Variants in PPARGC1A observed in about 807,000 individuals in gnomAD.
The protein encoded by PPARGC1A is PPARG coactivator 1 alpha, also known as peroxisome proliferator-activated receptor gamma coactivator 1-alpha.
In PPARGC1A, 25 loss-of-function variants were observed where a neutral mutation model predicts 88.7. That is an observed-to-expected ratio of 0.28 (90% CI 0.21 to 0.39). PPARGC1A has a LOEUF of 0.39. Ranked by LOEUF, PPARGC1A falls within the 10% of genes least tolerant of loss-of-function variation. The pLI, the probability that PPARGC1A is intolerant of heterozygous loss-of-function variation, is 1.00. For missense variants in PPARGC1A, 880 were observed against 968.7 expected, an observed-to-expected ratio of 0.91 and a Z score of 1.22; for synonymous variants, 363 against 355.6, an observed-to-expected ratio of 1.02 and a Z score of -0.24.
At chr4:23,844,297 T>G (rs897282107) in intron 2 of PPARGC1A, among the ~76,000 whole-genome samples, 65 of 68,552 alleles carry the variant, frequency 9.5e-4, no homozygotes, top group Non-Finnish European at 1.6e-3. Flanking sequence ...AGGCCATGTG[T>G]ACATGACAAC....
At position 23,813,051 on chromosome 4, in the gene PPARGC1A, C is replaced by T. The variant is rs150837593; in HGVS notation, c.1868G>A (p.Arg623His). Residue 623 changes from arginine to histidine, a missense_variant, in exon 9 of 13, where the codon CGT (arginine) becomes CAT (histidine). By Grantham distance (29) the Arg-to-His change is conservative. Transcript: ENST00000264867. ...CCGACGGCTGTAGGGCGATCTTGAA[C>T]GTGATCTCACATACAAGGGAGAATT... Reference protein sequence around the residue: ...HRNSPLYVRSRSRSPYSRRPR... With the variant: ...HRNSPLYVRSHSRSPYSRRPR... The T allele has an allele frequency of 2.9e-5, 46 of 1,614,016 alleles. No individual in the cohort carries two copies. The highest frequency in any genetic ancestry group is 2.4e-4 in the South Asian group (22 of 91,064).
At chr4:24,391,374 TC>T in the PPARGC1A span, among the ~76,000 whole-genome samples, 1 of 152,180 alleles carries the variant, frequency 6.6e-6, no homozygotes, top group Non-Finnish European at 1.5e-5. Flanking sequence ...CTACAAAAAG[TC>T]TACTTAGCAC....
Position 23,814,161 on chromosome 4 carries a change from C to A in PPARGC1A, c.1322G>T (p.Ser441Ile), listed in dbSNP as rs763522794. Residue 441 changes from serine to isoleucine, a missense_variant, in exon 8 of 13, where the codon AGC becomes ATC. Coordinates refer to ENST00000264867, the MANE Select transcript of PPARGC1A (RefSeq NM_013261.5). Reference protein sequence around the residue: ...QCYLRETLEASKQVSPCSTRK... With the variant: ...QCYLRETLEAIKQVSPCSTRK... The stretch of plus-strand genomic sequence containing the variant: ...TGTGCTGCAAGGAGAGACCTGCTTG[C>A]TTGCCTCCAAAGTCTCTCTCAGGTA... 2 of 1,614,082 alleles carry A rather than the reference C, an allele frequency of 1.2e-6. No homozygotes were observed. The highest frequency in any genetic ancestry group is 1.6e-4 in the Middle Eastern group (1 of 6,062).
At chr4:24,261,524 A>G in the PPARGC1A span, among the ~76,000 whole-genome samples, 1 of 151,790 alleles carries the variant, frequency 6.6e-6, no homozygotes, top group Non-Finnish European at 1.5e-5. Flanking sequence ...CTTTATTTCC[A>G]TTTTTCACTT....
intron 2 of PPARGC1A, among the ~76,000 whole-genome samples, chr4:23,849,578 T>C (rs1270994637): frequency 6.6e-6 from 1 of 152,156 alleles, no homozygotes; most frequent in Non-Finnish European, 1.5e-5. Flanking sequence ...GAAAAGTTTA[T>C]TGTGTTTGAA....
the PPARGC1A span, among the ~76,000 whole-genome samples, chr4:24,082,801 A>G: frequency 6.6e-6 from 1 of 152,072 alleles, no homozygotes; most frequent in Non-Finnish European, 1.5e-5. Flanking sequence ...AGGAGGGAAA[A>G]ACCCACTCAA....
At chr4:24,403,364 T>G in the PPARGC1A span, among the ~76,000 whole-genome samples, 1 of 152,090 alleles carries the variant, frequency 6.6e-6, no homozygotes, top group African/African-American at 2.4e-5. Context: ...TGAGAAGAAA[T>G]AGGAGTATTT....
In PPARGC1A at chr4:23,831,612, G is replaced by A. The variant is rs761735360; in HGVS notation, c.374C>T (p.Pro125Leu). ...AGGGGTGCCGTCAGGCATGGAGGAA[G>A]GACTAGCCTCATTGTCAGTGGTCAC... ...GDVTTDNEAS[P>L]SSMPDGTPPP... Residue 125 changes from proline (P) to leucine (L), a missense_variant, in exon 3 of 13, where the codon CCT (proline) becomes CTT (leucine). Physicochemically the swap from Pro to Leu is moderately conservative, Grantham distance 98. Transcript: ENST00000264867. The A allele has an allele frequency of 1.2e-6, 2 of 1,614,178 alleles. No homozygotes were observed. The highest frequency in any genetic ancestry group is 1.7e-6 in the Non-Finnish European group (2 of 1,180,020).
the PPARGC1A span, among the ~76,000 whole-genome samples, chr4:24,225,516 C>T: frequency 4.0e-5 from 6 of 148,636 alleles, no homozygotes; most frequent in African/African-American, 1.0e-4. Context: ...GGTGACAGAG[C>T]GAGACTCCGT....
chr4:24,155,138 C>A, the PPARGC1A span, among the ~76,000 whole-genome samples: 1 of 145,278 alleles, frequency 6.9e-6, no homozygotes, highest in African/African-American at 2.7e-5. Flanking sequence ...TTTTTTTTAT[C>A]TATAGGTAGG....
chr4:24,226,927 T>C, the PPARGC1A span, among the ~76,000 whole-genome samples: 1 of 152,076 alleles, frequency 6.6e-6, no homozygotes, highest in African/African-American at 2.4e-5. Flanking sequence ...CCACACCCCC[T>C]CCAAGTGGAA....
chr4:24,314,567 G>A, the PPARGC1A span, among the ~76,000 whole-genome samples: 1 of 152,090 alleles, frequency 6.6e-6, no homozygotes, highest in Non-Finnish European at 1.5e-5. Context: ...CAGATATTTT[G>A]TCATAGCAGC....
At chr4:24,148,530 A>C in the PPARGC1A span, among the ~76,000 whole-genome samples, 2 of 152,312 alleles carry the variant, frequency 1.3e-5, no homozygotes, top group Non-Finnish European at 2.9e-5. Context: ...GGATATTATA[A>C]GATGTAAGCA....
At chr4:24,456,398 G>C in the PPARGC1A span, among the ~76,000 whole-genome samples, 1 of 152,288 alleles carries the variant, frequency 6.6e-6, no homozygotes, top group African/African-American at 2.4e-5. Context: ...GGGCAGGGGA[G>C]TTGGGGACAG....
chr4:24,319,962 G>T, the PPARGC1A span, among the ~76,000 whole-genome samples: 2 of 152,040 alleles, frequency 1.3e-5, no homozygotes, highest in African/African-American at 4.8e-5. Context: ...TGCCTTCTAA[G>T]AGTCATACTA....
In PPARGC1A at chr4:23,801,361, GAC is replaced by G. The variant is rs61174127; in HGVS notation, c.2293+367_2293+368del. Reference sequence around the variant, plus strand: ...GTTTAATATTCACACAACACACACAGACACACACAATATCCACAGAGATACAC... The same window carrying G: ...GTTTAATATTCACACAACACACACAGACACACAATATCCACAGAGATACAC... On this transcript the variant is annotated intron_variant, in intron 12 of 12. Coordinates refer to ENST00000264867, the MANE Select transcript of PPARGC1A (RefSeq NM_013261.5). Among the ~76,000 whole-genome samples the G allele has an allele frequency of 9.6e-3, 1,452 of 151,248 alleles. 16 individuals carry two copies. The highest frequency in any genetic ancestry group is 0.033 in the African/African-American group (1,370 of 41,220).
the PPARGC1A span, among the ~76,000 whole-genome samples, chr4:24,208,278 C>CA: frequency 4.0e-5 from 6 of 150,156 alleles, no homozygotes; most frequent in South Asian, 2.1e-4. Context: ...GACCCTGTCT[C>CA]AAAAAAAGGG....
chr4:24,298,454 T>C, the PPARGC1A span, among the ~76,000 whole-genome samples: 1 of 152,180 alleles, frequency 6.6e-6, no homozygotes, highest in Non-Finnish European at 1.5e-5. Context: ...GTGAACTCTT[T>C]AAAATAGCAT....
intron 2 of PPARGC1A, among the ~76,000 whole-genome samples, chr4:23,854,959 C>T (rs1438330569): frequency 6.6e-6 from 1 of 152,180 alleles, no homozygotes; most frequent in Non-Finnish European, 1.5e-5. Flanking sequence ...CAAATCTCAT[C>T]TTGAATTGTA....
Sources: gnomAD v4.1 joint callset for allele counts (sites outside exome capture counted in the v4.1 genomes callset) on GRCh38, gnomAD v4.1.1 for gene constraint, MANE v1.5 for transcripts, NCBI Gene and HGNC (gene_info 2026-07-23, HGNC 2026-07-21) for gene names.